Variants in CEP104 observed in about 807,000 individuals in gnomAD.
CEP104 encodes centrosomal protein 104, also known as centrosomal protein of 104 kDa.
In CEP104, 84 loss-of-function variants were observed where a neutral mutation model predicts 113.3. The observed-to-expected ratio is 0.74, with a 90% CI of 0.62 to 0.89. The LOEUF is 0.89. Among genes scored for constraint, CEP104 ranks in the 40% least tolerant of loss-of-function variants. The pLI, the probability that CEP104 is intolerant of heterozygous loss-of-function variation, is 0.00. For synonymous variants in CEP104, 378 were observed against 421.7 expected (o/e 0.90, Z 1.27); for missense variants, 1,053 against 1,156.6 (o/e 0.91, Z 1.30).
At chr1:3,838,183 C>T (rs145501880) in intron 8 of CEP104, among the ~76,000 whole-genome samples, 2 of 152,274 alleles carry the variant, frequency 1.3e-5, no homozygotes, top group Admixed American at 6.5e-5. Flanking sequence ...GGCAGGGTCT[C>T]GCTCCATCAC....
chr1:3,843,768 GTTTTT>G (rs982338425), intron 6 of CEP104, among the ~76,000 whole-genome samples: 4 of 147,398 alleles, frequency 2.7e-5, no homozygotes, highest in African/African-American at 5.0e-5. Flanking sequence ...TGTGGTGTGT[GTTTTT>G]TTTTTTGAGA....
intron 13 of CEP104, among the ~76,000 whole-genome samples, chr1:3,830,776 CAAA>C (rs61056063): frequency 8.5e-4 from 92 of 108,556 alleles, no homozygotes; most frequent in Admixed American, 1.2e-3. Context: ...GACTCCATCT[CAAA>C]AAAAAAAAAA....
intron 5 of CEP104, 63 bp from the exon 6 acceptor site, chr1:3,845,046 C>G (rs552488241): frequency 2.2e-6 from 3 of 1,342,594 alleles, no homozygotes; most frequent in Non-Finnish European, 3.2e-6. Context: ...AAAACCTTAA[C>G]TACAAGATTT....
Position 3,839,675 on chromosome 1 carries a change from T to C in CEP104, c.668A>G (p.Glu223Gly). ...IIRKLDERKR[E>G]AVQKERYDYA... ...ATCATAGCGTTCCTTTTGGACAGCT[T>C]CCCGTTTTCTTTCATCTAATTTTCG... The change falls in exon 7 of 22, where the codon GAA becomes GGA. Residue 223 changes from glutamate (E) to glycine (G), a missense_variant. By Grantham distance (98) the Glu-to-Gly change is moderately conservative (BLOSUM62 -2). Transcript: ENST00000378230. 6.2e-7 allele frequency: 1 copy of C among 1,614,172 alleles called. No homozygotes were observed. Among genetic ancestry groups the C allele is most frequent in the Non-Finnish European group, 8.5e-7 (1 of 1,180,016 alleles).
At chr1:3,829,549 C>T in intron 14 of CEP104, 176 bp from the exon 15 acceptor site, 2 of 660,730 alleles carry the variant, frequency 3.0e-6, no homozygotes, top group South Asian at 2.0e-5. Context: ...GATAGATAAA[C>T]CCACTGTGTC....
chr1:3,826,661 A>AT, intron 16 of CEP104, 47 bp downstream of exon 16: 1 of 1,606,942 alleles, frequency 6.2e-7, no homozygotes, highest in Non-Finnish European at 8.5e-7. Flanking sequence ...ACACACCCCG[A>AT]TTCTTTACAC....
chr1:3,823,950 G>T lies in CEP104; in HGVS notation c.2365-388C>A, dbSNP rs1464860501. ...CACACAGAAACAGGACCACAGAAAA[G>T]AATTTTAAGAGATTCTCTCGCTACG... is the stretch of plus-strand genomic sequence containing the variant. On this transcript the variant is annotated intron_variant, in intron 18 of 21. Transcript: ENST00000378230. The surrounding 1 kb of genome is among the most constrained non-coding windows in gnomAD (Gnocchi z 4.1). Among the ~76,000 whole-genome samples the T allele has an allele frequency of 6.6e-6, 1 of 152,180 alleles. No individual in the cohort carries two copies. Among genetic ancestry groups the T allele is most frequent in the African/African-American group, 2.4e-5 (1 of 41,440 alleles).
At chr1:3,842,970 T>C in intron 6 of CEP104, 1 of 362,332 alleles carries the variant, frequency 2.8e-6, no homozygotes, top group Non-Finnish European at 5.0e-6. Context: ...GTGTTTTTAT[T>C]AGAGAAGGAG....
chr1:3,856,245 C>T (rs1644725658), intron 1 of CEP104, among the ~76,000 whole-genome samples: 1 of 152,024 alleles, frequency 6.6e-6, no homozygotes, highest in African/African-American at 2.4e-5. Context: ...CCCGTCTCTA[C>T]TAAAAATAAA....
chr1:3,824,076 C>A (rs2368534), intron 18 of CEP104, among the ~76,000 whole-genome samples: 1 of 152,042 alleles, frequency 6.6e-6, no homozygotes, highest in Non-Finnish European at 1.5e-5. Flanking sequence ...TCATAAATTA[C>A]CCAGTCTTAG....
At position 3,823,158 on chromosome 1, in the gene CEP104, T is replaced by A. The variant is rs1386993761; in HGVS notation, c.2571+16A>T. Reference sequence around the variant, plus strand: ...TGTCACCTACTTCACTGGTCCCTTCTCCCCAGGCCCCTCACCTCTTCTCCA... The same window carrying A: ...TGTCACCTACTTCACTGGTCCCTTCACCCCAGGCCCCTCACCTCTTCTCCA... On this transcript the variant is annotated intron_variant, in intron 20 of 21. Transcript: ENST00000378230. The surrounding 1 kb of genome is among the most constrained non-coding windows in gnomAD (Gnocchi z 4.1). 1.9e-6 allele frequency: 3 copies of A among 1,613,502 alleles called. No homozygotes were observed. Among genetic ancestry groups the A allele is most frequent in the Admixed American group, 1.7e-5 (1 of 60,010 alleles).
intron 5 of CEP104, 24 bp from the exon 6 acceptor site, chr1:3,845,007 A>C: frequency 6.3e-7 from 1 of 1,580,456 alleles, no homozygotes; most frequent in South Asian, 1.1e-5. Flanking sequence ...ACATCTGCTT[A>C]GTGTCTCAGA....
chr1:3,855,348 C>CTTTTTTT (rs60855655), intron 1 of CEP104, among the ~76,000 whole-genome samples: 1 of 128,904 alleles, frequency 7.8e-6, no homozygotes, highest in Non-Finnish European at 1.6e-5. Context: ...TGCACAGCTA[C>CTTTTTTT]TTTTTTTTTT....
At chr1:3,839,871 G>A (rs1644383226) in intron 6 of CEP104, 95 bp from the exon 7 acceptor site, 9 of 965,114 alleles carry the variant, frequency 9.3e-6, no homozygotes, top group African/African-American at 1.7e-5. Context: ...TCCCCATCCT[G>A]CCCCATCATG....
intron 1 of CEP104, 138 bp from the exon 2 acceptor site, chr1:3,852,559 G>C: frequency 1.3e-6 from 1 of 771,606 alleles, no homozygotes; most frequent in South Asian, 2.2e-5. Context: ...TCTTTGAAAA[G>C]AGTCTATTTT....
chr1:3,820,831 G>C (rs10909799), intron 20 of CEP104, among the ~76,000 whole-genome samples: 97,650 of 152,036 alleles, frequency 0.64, 32,859 homozygotes, highest in African/African-American at 0.86. Flanking sequence ...TGGGGCTGCC[G>C]CAGGTGCAGT....
chr1:3,832,987 C>CTT (rs70940330), intron 12 of CEP104, among the ~76,000 whole-genome samples: 74 of 140,272 alleles, frequency 5.3e-4, no homozygotes, highest in Admixed American at 8.7e-4. Flanking sequence ...GGCCTGGATT[C>CTT]TTTTTTTTTT....
chr1:3,839,930 G>A (rs190049377), intron 6 of CEP104, among the ~76,000 whole-genome samples, 154 bp from the exon 7 acceptor site: 32 of 152,196 alleles, frequency 2.1e-4, no homozygotes, highest in Admixed American at 1.6e-3. Flanking sequence ...GAGAAGTAAT[G>A]GGCCTCAGGT....
chr1:3,838,947 T>G lies in CEP104; in HGVS notation c.891+17A>C. On this transcript the variant is annotated intron_variant, in intron 8 of 21. Coordinates refer to ENST00000378230, the MANE Select transcript of CEP104 (RefSeq NM_014704.4). ...CTCCTAGGCTTTCCTCCACTCCGTC[T>G]GGGCTCCTGCACCCACCAGCTCGGC... The G allele has an allele frequency of 6.2e-7, 1 of 1,613,780 alleles. No individual in the cohort carries two copies. The highest frequency in any genetic ancestry group is 1.7e-5 in the Admixed American group (1 of 59,988).
Sources: allele counts gnomAD v4.1 joint callset (sites outside exome capture counted in the v4.1 genomes callset), GRCh38; gene constraint gnomAD v4.1.1; non-coding constraint Gnocchi (gnomAD v3.1); transcripts MANE v1.5; gene names NCBI Gene and HGNC (gene_info 2026-07-23, HGNC 2026-07-21).